The following MEGF11 variants were observed in gnomAD, a reference collection of about 807,000 sequenced individuals.
MEGF11 encodes multiple EGF like domains 11.
In MEGF11, 126 loss-of-function variants were observed where a neutral mutation model predicts 146.6. The ratio of observed to expected loss-of-function variants is 0.86; its 90% CI spans 0.74 to 1.00. The LOEUF (loss-of-function observed/expected upper bound fraction) is 1.00, where lower values mean the gene tolerates loss of function less well. Among genes scored for constraint, MEGF11 ranks in the 50% least tolerant of loss-of-function variants. The pLI, the probability that MEGF11 is intolerant of heterozygous loss-of-function variation, is 0.00. For synonymous variants in MEGF11, 532 were observed against 583.4 expected, an observed-to-expected ratio of 0.91 and a Z score of 1.27; for missense variants, 1,509 against 1,521.2, an observed-to-expected ratio of 0.99 and a Z score of 0.13.
intron 5 of MEGF11, among the ~76,000 whole-genome samples, chr15:66,086,624 C>G (rs959777659): frequency 1.3e-5 from 2 of 152,148 alleles, no homozygotes; most frequent in Non-Finnish European, 2.9e-5. Context: ...GAGAATTCGC[C>G]ATTACCAAGC....
chr15:66,051,773 A>C (rs936663979), intron 5 of MEGF11, among the ~76,000 whole-genome samples: 27 of 152,164 alleles, frequency 1.8e-4, no homozygotes, highest in African/African-American at 6.5e-4. Flanking sequence ...ATGACTGGGA[A>C]GGGCTCACTG....
intron 5 of MEGF11, among the ~76,000 whole-genome samples, chr15:66,026,981 A>C (rs1386202595): frequency 6.6e-6 from 1 of 152,224 alleles, no homozygotes; most frequent in African/African-American, 2.4e-5. Context: ...TTTACCTGGA[A>C]GGACACATAT....
chr15:66,084,968 GGAAGGGGGGA>G (rs2086043215), intron 5 of MEGF11, among the ~76,000 whole-genome samples: 1 of 152,204 alleles, frequency 6.6e-6, no homozygotes, highest in Admixed American at 6.5e-5. Context: ...AGGTGGCGGG[GGAAGGGGGGA>G]CGGGGTGCAG....
At chr15:66,240,021 G>C (rs559917221) in intron 1 of MEGF11, among the ~76,000 whole-genome samples, 1 of 152,128 alleles carries the variant, frequency 6.6e-6, no homozygotes, top group African/African-American at 2.4e-5. Context: ...CCGAAGTGGC[G>C]GCTGGCATTC....
intron 15 of MEGF11, among the ~76,000 whole-genome samples, chr15:65,920,835 A>G (rs2079150580): frequency 6.6e-6 from 1 of 152,228 alleles, no homozygotes; most frequent in African/African-American, 2.4e-5. Context: ...CATTAGATCT[A>G]TATGTGGGAA....
chr15:65,977,395 C>T (rs537546106), intron 7 of MEGF11, among the ~76,000 whole-genome samples: 2 of 151,414 alleles, frequency 1.3e-5, no homozygotes, highest in African/African-American at 2.4e-5. Flanking sequence ...GGCCACAGGC[C>T]GGGAAGTGGG....
At chr15:66,108,444 A>G (rs1441690509) in intron 4 of MEGF11, among the ~76,000 whole-genome samples, 1 of 152,210 alleles carries the variant, frequency 6.6e-6, no homozygotes, top group Non-Finnish European at 1.5e-5. Context: ...TTAAAAATGT[A>G]TATTCTATGC....
intron 5 of MEGF11, among the ~76,000 whole-genome samples, chr15:66,094,014 G>A (rs186117712): frequency 2.0e-5 from 3 of 152,284 alleles, no homozygotes; most frequent in East Asian, 1.9e-4. Context: ...CCACAAAACT[G>A]AGCTTTTGGA....
intron 1 of MEGF11, among the ~76,000 whole-genome samples, chr15:66,163,100 T>C (rs540536318): frequency 2.8e-4 from 42 of 152,286 alleles, no homozygotes; most frequent in African/African-American, 9.9e-4. Context: ...TGCTGAGGCC[T>C]GCAACCCCCA....
At chr15:66,082,176 G>A (rs1189552845) in intron 5 of MEGF11, among the ~76,000 whole-genome samples, 2 of 152,058 alleles carry the variant, frequency 1.3e-5, no homozygotes, top group Non-Finnish European at 2.9e-5. Context: ...TCTGATCCCA[G>A]ATCTGCTGCT....
At chr15:65,981,807 CCT>C (rs1045634275) in intron 6 of MEGF11, among the ~76,000 whole-genome samples, 4 of 152,258 alleles carry the variant, frequency 2.6e-5, no homozygotes, top group East Asian at 3.9e-4. Flanking sequence ...AGGACCCTCA[CCT>C]CTCTCTGTCC....
At chr15:66,017,951 C>T (rs1330497096) in intron 5 of MEGF11, among the ~76,000 whole-genome samples, 2 of 152,092 alleles carry the variant, frequency 1.3e-5, no homozygotes, top group Non-Finnish European at 2.9e-5. Context: ...AGGAGCCGCT[C>T]GCAGGGCAGG....
chr15:65,898,505 T>C, intron 25 of MEGF11: 2 of 985,382 alleles, frequency 2.0e-6, no homozygotes, highest in Non-Finnish European at 2.4e-6. Context: ...ATTTGTTTCA[T>C]ATTAGTCCTG....
At chr15:66,005,074 G>T (rs2082480059) in intron 5 of MEGF11, among the ~76,000 whole-genome samples, 1 of 151,962 alleles carries the variant, frequency 6.6e-6, no homozygotes, top group Non-Finnish European at 1.5e-5. Context: ...CTCCATCTGG[G>T]GCAACATAGG....
chr15:66,223,741 T>A (rs1180514053), intron 1 of MEGF11, among the ~76,000 whole-genome samples: 1 of 152,092 alleles, frequency 6.6e-6, no homozygotes, highest in Non-Finnish European at 1.5e-5. Flanking sequence ...AAAATAAAAA[T>A]GAAACAAAAT....
intron 1 of MEGF11, among the ~76,000 whole-genome samples, chr15:66,219,467 A>G (rs773506767): frequency 9.2e-5 from 14 of 152,220 alleles, no homozygotes; most frequent in Non-Finnish European, 1.8e-4. Context: ...AATGCTCAAC[A>G]TCATCAGCCA....
chr15:66,143,890 G>A (rs1167481743), intron 1 of MEGF11, among the ~76,000 whole-genome samples: 1 of 152,166 alleles, frequency 6.6e-6, no homozygotes, highest in East Asian at 1.9e-4. Context: ...TGGGACTCAG[G>A]AGGGTAGGAA....
At chr15:65,912,305 G>T (rs537459656) in intron 20 of MEGF11, 105 bp from the exon 21 acceptor site, 40 of 627,936 alleles carry the variant, frequency 6.4e-5, no homozygotes, top group Non-Finnish European at 8.9e-5. Context: ...GCCCTGCAAA[G>T]ACAAACAGGC....
chr15:66,238,455 C>T (rs761468294), intron 1 of MEGF11, among the ~76,000 whole-genome samples: 8 of 152,186 alleles, frequency 5.3e-5, no homozygotes, highest in Non-Finnish European at 1.0e-4. Context: ...GATCCCCACA[C>T]GCACTCTTGG....
Sources: gnomAD v4.1 joint callset for allele counts (sites outside exome capture counted in the v4.1 genomes callset) on GRCh38, gnomAD v4.1.1 for gene constraint, MANE v1.5 for transcripts, NCBI Gene and HGNC (gene_info 2026-07-23, HGNC 2026-07-21) for gene names.